ABCB1: variants seen among roughly 807,000 people sequenced by gnomAD.
ABCB1 encodes ATP binding cassette subfamily B member 1.
Under a neutral mutation model 142.0 loss-of-function variants are expected in ABCB1, and 69 were observed. The ratio of observed to expected loss-of-function variants is 0.49; its 90% CI spans 0.40 to 0.59. The LOEUF (loss-of-function observed/expected upper bound fraction) is 0.59, where lower values mean the gene tolerates loss of function less well. ABCB1 is among the 20% of genes least tolerant of loss of function. The pLI, the probability that ABCB1 is intolerant of heterozygous loss-of-function variation, is 0.00. For missense variants in ABCB1, 1,326 were observed against 1,554.7 expected (o/e 0.85, Z 2.47); for synonymous variants, 532 against 539.2 (o/e 0.99, Z 0.18).
At chr7:87,524,598 G>A (rs1038082493) in intron 21 of ABCB1, among the ~76,000 whole-genome samples, 2 of 152,054 alleles carry the variant, frequency 1.3e-5, no homozygotes, top group African/African-American at 2.4e-5. Flanking sequence ...GTAGAGGGAA[G>A]GGGGGAGGGA....
intron 9 of ABCB1, 38 bp from the exon 10 acceptor site, chr7:87,550,876 T>C (rs1817034218): frequency 7.5e-7 from 1 of 1,328,938 alleles, no homozygotes; most frequent in Non-Finnish European, 1.1e-6. Flanking sequence ...GCTACTGAGA[T>C]AGTGACAGCA....
chr7:87,704,858 G>A (rs1184391004), intron 1 of ABCB1, among the ~76,000 whole-genome samples: 1 of 152,158 alleles, frequency 6.6e-6, no homozygotes, highest in South Asian at 2.1e-4. Context: ...CACATCTCAC[G>A]TCTCTGGATT....
chr7:87,507,529 A>G (rs574803441), intron 26 of ABCB1, among the ~76,000 whole-genome samples: 28 of 152,310 alleles, frequency 1.8e-4, no homozygotes, highest in African/African-American at 5.8e-4. Context: ...AGAAGGGTCA[A>G]TTATCTAGTT....
At chr7:87,523,645 A>G (rs1349571553) in intron 21 of ABCB1, among the ~76,000 whole-genome samples, 2 of 152,198 alleles carry the variant, frequency 1.3e-5, no homozygotes, top group East Asian at 1.9e-4. Context: ...CCATCATTCA[A>G]TTATGTTGTA....
At chr7:87,545,795 T>C (rs1816754234) in intron 15 of ABCB1, 68 bp downstream of exon 15, 1 of 1,516,138 alleles carries the variant, frequency 6.6e-7, no homozygotes, top group Non-Finnish European at 9.1e-7. Flanking sequence ...AATATTTATT[T>C]TTAGCATTAA....
intron 17 of ABCB1, among the ~76,000 whole-genome samples, chr7:87,542,773 A>G (rs1007318114): frequency 3.3e-5 from 5 of 152,144 alleles, no homozygotes; most frequent in African/African-American, 1.2e-4. Context: ...AAATGTTTAT[A>G]TAAAGTTTTA....
At chr7:87,636,378 A>G (rs1584960365) in intron 1 of ABCB1, among the ~76,000 whole-genome samples, 1 of 152,210 alleles carries the variant, frequency 6.6e-6, no homozygotes, top group African/African-American at 2.4e-5. Context: ...ATTTTCTTTC[A>G]TAAAATGGCA....
At chr7:87,612,476 A>G (rs1375083958) in intron 1 of ABCB1, among the ~76,000 whole-genome samples, 4 of 152,066 alleles carry the variant, frequency 2.6e-5, no homozygotes, top group Non-Finnish European at 5.9e-5. Context: ...ATTCTTGTAC[A>G]TGTGACTATC....
intron 26 of ABCB1, among the ~76,000 whole-genome samples, chr7:87,507,890 G>C (rs538006933): frequency 7.6e-4 from 116 of 152,266 alleles, no homozygotes; most frequent in African/African-American, 2.7e-3. Context: ...GGAACAGAAA[G>C]CCAAATACTG....
At position 87,689,524 on chromosome 7, in the gene ABCB1, TTAGC is replaced by T. The variant is rs28381737; in HGVS notation, c.-331+23633_-331+23636del. Among the ~76,000 whole-genome samples, 435 of 152,286 alleles carry T rather than the reference TTAGC, an allele frequency of 2.9e-3. 1 individual carries two copies. Among genetic ancestry groups the T allele is most frequent in the African/African-American group, 0.01 (416 of 41,574 alleles). Reference sequence around the variant, plus strand: ...TTTACTTTATTGTGCTAATATTACTTTAGCTAATATTGCTAAATTACTAATTAGC... The same window carrying T: ...TTTACTTTATTGTGCTAATATTACTTTAATATTGCTAAATTACTAATTAGC... On this transcript the variant is annotated intron_variant, in intron 1 of 28. Transcript: ENST00000265724.
At chr7:87,511,134 A>G (rs552013146) in intron 25 of ABCB1, among the ~76,000 whole-genome samples, 1 of 152,300 alleles carries the variant, frequency 6.6e-6, no homozygotes, top group South Asian at 2.1e-4. Context: ...CCCGCATAAT[A>G]CCCTAGAATT....
chr7:87,683,905 C>A (rs939762233), intron 1 of ABCB1, among the ~76,000 whole-genome samples: 1 of 152,128 alleles, frequency 6.6e-6, no homozygotes, highest in Non-Finnish European at 1.5e-5. Flanking sequence ...AATGACTGTA[C>A]ATACCAGTAC....
intron 1 of ABCB1, among the ~76,000 whole-genome samples, chr7:87,636,518 A>T (rs1821794516): frequency 6.6e-6 from 1 of 151,990 alleles, no homozygotes; most frequent in African/African-American, 2.4e-5. Context: ...TGGTGGCTTT[A>T]TTTTTCACTC....
At chr7:87,617,842 T>G (rs1394664975) in intron 1 of ABCB1, among the ~76,000 whole-genome samples, 3 of 152,194 alleles carry the variant, frequency 2.0e-5, no homozygotes, top group African/African-American at 7.2e-5. Flanking sequence ...ATGTTTAATG[T>G]GATCAGTGAG....
rs548175830 is a variant in ABCB1 at position 87,698,452 on chromosome 7, G to A, written c.-331+14709C>T. On this transcript the variant is annotated intron_variant, in intron 1 of 28. Transcript: ENST00000265724. Reference sequence around the variant, plus strand: ...ATAGTTATTAGAATAAAGATTTATAGATGCATTTGTTTTTATTTATATAAA... The same window carrying A: ...ATAGTTATTAGAATAAAGATTTATAAATGCATTTGTTTTTATTTATATAAA... Among the ~76,000 whole-genome samples the A allele has an allele frequency of 2.6e-5, 4 of 152,256 alleles. No individual in the cohort carries two copies. In the South Asian group the frequency reaches 6.2e-4, roughly 24 times the overall value.
At chr7:87,636,087 C>G (rs1463941162) in intron 1 of ABCB1, among the ~76,000 whole-genome samples, 1 of 152,070 alleles carries the variant, frequency 6.6e-6, no homozygotes, top group Non-Finnish European at 1.5e-5. Context: ...ATTTTTCTGT[C>G]TGATATTAGC....
chr7:87,708,551 G>A (rs535657294), intron 1 of ABCB1, among the ~76,000 whole-genome samples: 1 of 152,102 alleles, frequency 6.6e-6, no homozygotes, highest in East Asian at 1.9e-4. Flanking sequence ...TCTTCTTATG[G>A]GTTTTTAAGA....
At chr7:87,626,592 A>G (rs35294581) in intron 1 of ABCB1, among the ~76,000 whole-genome samples, 1 of 12,230 alleles carries the variant, frequency 8.2e-5, no homozygotes, top group Non-Finnish European at 1.2e-4. Flanking sequence ...TGTCATATAT[A>G]TGTGTCATAT....
At chr7:87,650,630 T>C (rs768909184) in intron 1 of ABCB1, among the ~76,000 whole-genome samples, 4 of 152,130 alleles carry the variant, frequency 2.6e-5, no homozygotes, top group Non-Finnish European at 5.9e-5. Context: ...ATAGGAAATA[T>C]ATCAATAAAA....
Sources: gnomAD v4.1 joint callset for allele counts (sites outside exome capture counted in the v4.1 genomes callset) on GRCh38, gnomAD v4.1.1 for gene constraint, MANE v1.5 for transcripts, NCBI Gene and HGNC (gene_info 2026-07-23, HGNC 2026-07-21) for gene names.